The following TACR3 variants were observed in gnomAD, a reference collection of about 807,000 sequenced individuals.
TACR3 encodes neuromedin-K receptor.
TACR3 carries 34 observed loss-of-function variants against 35.0 expected under a neutral mutation model. The ratio of observed to expected loss-of-function variants is 0.97; its 90% CI spans 0.74 to 1.30. The LOEUF is 1.30. TACR3 is among the 50% of genes most tolerant of loss of function. The pLI is 0.00. For missense variants in TACR3, 558 were observed against 591.7 expected, an observed-to-expected ratio of 0.94 and a Z score of 0.59; for synonymous variants, 233 against 221.1, an observed-to-expected ratio of 1.05 and a Z score of -0.48.
chr4:103,641,101 A>G (rs61016494), intron 3 of TACR3, among the ~76,000 whole-genome samples: 4,548 of 151,942 alleles, frequency 0.03, 223 homozygotes, highest in African/African-American at 0.1. Context: ...TAAGGGTTCA[A>G]TTTTATTCTT....
At chr4:103,688,007 G>A (rs1560531951) in intron 1 of TACR3, among the ~76,000 whole-genome samples, 1 of 152,134 alleles carries the variant, frequency 6.6e-6, no homozygotes, top group African/African-American at 2.4e-5. Context: ...ATACTACAAG[G>A]CTACAGTAAC....
intron 1 of TACR3, among the ~76,000 whole-genome samples, chr4:103,669,461 C>G (rs561154521): frequency 1.3e-5 from 2 of 152,094 alleles, no homozygotes; most frequent in African/African-American, 4.8e-5. Context: ...TACATTCCAG[C>G]AGTTCATGAG....
rs1218636687 is a variant in TACR3 at position 103,587,650 on chromosome 4, G to C, written c.*2032C>G. On this transcript the variant is annotated 3_prime_UTR_variant, in exon 5 of 5. Transcript: ENST00000304883. ...TATTCATATTTTACAGCTGAATATG[G>C]TTCCATATGTCTAAAACATTAATTA... 6.6e-6 allele frequency: 1 copy of C among 151,972 alleles called. No individual in the cohort carries two copies. Among genetic ancestry groups the C allele is most frequent in the Non-Finnish European group, 1.5e-5 (1 of 67,972 alleles). 9.4% of individuals were successfully genotyped at this position (151,972 alleles called of 1,614,324 possible). A position where few individuals can be genotyped will look rare whatever the true frequency, so the allele number is the denominator to read the frequency against.
chr4:103,597,284 G>A (rs563412966), intron 3 of TACR3, among the ~76,000 whole-genome samples: 131 of 152,068 alleles, frequency 8.6e-4, no homozygotes, highest in Non-Finnish European at 1.5e-3. Flanking sequence ...ACTTTTTAAA[G>A]ATTGCCATTC....
chr4:103,641,736 CA>C (rs772216558), intron 3 of TACR3, among the ~76,000 whole-genome samples: 2 of 151,882 alleles, frequency 1.3e-5, no homozygotes, highest in Non-Finnish European at 2.9e-5. Context: ...ATGTATACAT[CA>C]GTGGATGAAT....
At chr4:103,712,952 G>A (rs1038495059) in intron 1 of TACR3, among the ~76,000 whole-genome samples, 2 of 152,108 alleles carry the variant, frequency 1.3e-5, no homozygotes, top group African/African-American at 2.4e-5. Flanking sequence ...TTAGAATGGT[G>A]ATCATTAAAA....
intron 3 of TACR3, among the ~76,000 whole-genome samples, chr4:103,649,899 G>C (rs1286155980): frequency 6.6e-6 from 1 of 152,060 alleles, no homozygotes; most frequent in South Asian, 2.1e-4. Context: ...TGAAGGTCAT[G>C]GATGTTTGTC....
intron 3 of TACR3, among the ~76,000 whole-genome samples, chr4:103,611,554 C>CA (rs1724512487): frequency 6.6e-6 from 1 of 152,168 alleles, no homozygotes; most frequent in Non-Finnish European, 1.5e-5. Flanking sequence ...CTCTGTGCCA[C>CA]ATGCATTACC....
At chr4:103,668,325 GT>G (rs1312625265) in intron 1 of TACR3, among the ~76,000 whole-genome samples, 2 of 152,070 alleles carry the variant, frequency 1.3e-5, no homozygotes, top group Non-Finnish European at 2.9e-5. Context: ...TCTAAAAAAT[GT>G]ACATAGCTTA....
rs190533815 is a variant in TACR3 at position 103,684,700 on chromosome 4, G to C, written c.549-26297C>G. On this transcript the variant is annotated intron_variant, in intron 1 of 4. Coordinates refer to ENST00000304883, the MANE Select transcript of TACR3 (RefSeq NM_001059.3). ...TTTCTTTATAGATACATAAAAGCTC[G>C]TTCTAAAATATCTATTAAGGCTGGA... Among the ~76,000 whole-genome samples, 4 of 152,000 alleles carry C rather than the reference G, an allele frequency of 2.6e-5. No homozygotes were observed. In the South Asian group the frequency reaches 6.2e-4, roughly 24 times the overall value.
At chr4:103,615,398 T>TGTGTGTGTGTGAGA (rs367881970) in intron 3 of TACR3, among the ~76,000 whole-genome samples, 3 of 117,136 alleles carry the variant, frequency 2.6e-5, no homozygotes, top group African/African-American at 5.8e-5. Context: ...TGTGTGTGTG[T>TGTGTGTGTGTGAGA]GAGAGAGAGA....
rs557593771 is a variant in TACR3 at position 103,619,199 on chromosome 4, A to AT, written c.889-27517dup. Reference sequence around the variant, plus strand: ...GTGAAGAGAGATAGCGTGACTTCCTATTTTTTTTTTGACGGAGTCTCACTC... The same window carrying AT: ...GTGAAGAGAGATAGCGTGACTTCCTATTTTTTTTTTTGACGGAGTCTCACTC... On this transcript the variant is annotated intron_variant, in intron 3 of 4. Transcript: ENST00000304883. Among the ~76,000 whole-genome samples the AT allele has an allele frequency of 3.1e-3, 464 of 148,024 alleles. 2 individuals are homozygous for AT. The highest frequency in any genetic ancestry group is 0.014 in the Middle Eastern group (4 of 288).
At chr4:103,603,176 G>A (rs896428653) in intron 3 of TACR3, among the ~76,000 whole-genome samples, 2 of 152,212 alleles carry the variant, frequency 1.3e-5, no homozygotes, top group African/African-American at 4.8e-5. Flanking sequence ...AGACTCCATG[G>A]GCGTAGGACC....
Position 103,673,556 on chromosome 4 carries a change from A to G in TACR3, c.549-15153T>C, listed in dbSNP as rs761526991. Reference sequence around the variant, plus strand: ...CGTGAAGCTCCAAAACAATTACCAGAGTAACATCAATGATCTCTGATCATA... The same window carrying G: ...CGTGAAGCTCCAAAACAATTACCAGGGTAACATCAATGATCTCTGATCATA... On this transcript the variant is annotated intron_variant, in intron 1 of 4. Coordinates refer to ENST00000304883, the MANE Select transcript of TACR3 (RefSeq NM_001059.3). 2.7e-4 allele frequency among the ~76,000 whole-genome samples: 41 copies of G among 152,146 alleles called. 1 individual carries two copies. Among genetic ancestry groups the G allele is most frequent in the Non-Finnish European group, 5.0e-4 (34 of 68,022 alleles).
intron 3 of TACR3, among the ~76,000 whole-genome samples, chr4:103,611,719 A>G (rs1239199632): frequency 1.3e-5 from 2 of 152,140 alleles, no homozygotes; most frequent in Non-Finnish European, 2.9e-5. Context: ...AAAGGCCAAT[A>G]AAAAAGTTTA....
At chr4:103,659,120 G>C (rs1227365481) in intron 1 of TACR3, among the ~76,000 whole-genome samples, 1 of 152,106 alleles carries the variant, frequency 6.6e-6, no homozygotes, top group Non-Finnish European at 1.5e-5. Flanking sequence ...TGCAGCACTG[G>C]GGAATGGCAG....
intron 3 of TACR3, among the ~76,000 whole-genome samples, chr4:103,615,814 C>G (rs1343998855): frequency 6.6e-6 from 1 of 151,812 alleles, no homozygotes; most frequent in African/African-American, 2.4e-5. Context: ...TAAAATTAAC[C>G]AAGGCATGAA....
intron 3 of TACR3, among the ~76,000 whole-genome samples, chr4:103,638,669 GA>G (rs1282234638): frequency 2.6e-5 from 4 of 152,018 alleles, no homozygotes; most frequent in African/African-American, 9.7e-5. Context: ...CAGAATGGGA[GA>G]AAATTTTTGC....
chr4:103,697,442 T>A (rs896128380), intron 1 of TACR3, among the ~76,000 whole-genome samples: 6 of 133,604 alleles, frequency 4.5e-5, no homozygotes, highest in Admixed American at 7.9e-5. Flanking sequence ...TTATTTATTT[T>A]GAGACGGAGT....
Sources: allele counts gnomAD v4.1 joint callset (sites outside exome capture counted in the v4.1 genomes callset), GRCh38; gene constraint gnomAD v4.1.1; transcripts MANE v1.5; gene names NCBI Gene and HGNC (gene_info 2026-07-23, HGNC 2026-07-21).